ARHGAP42: variants seen among roughly 807,000 people sequenced by gnomAD.
ARHGAP42 encodes the protein rho GTPase-activating protein 42.
ARHGAP42 carries 63 observed loss-of-function variants against 125.0 expected under a neutral mutation model. The observed-to-expected ratio is 0.50, with a 90% CI of 0.41 to 0.62. The LOEUF is 0.62. Among genes scored for constraint, ARHGAP42 ranks in the 20% least tolerant of loss-of-function variants. ARHGAP42 has a pLI of 0.00. For missense variants in ARHGAP42, 766 were observed against 1,024.2 expected, an observed-to-expected ratio of 0.75 and a Z score of 3.44; for synonymous variants, 339 against 351.0, an observed-to-expected ratio of 0.97 and a Z score of 0.38.
At chr11:100,689,629 G>A (rs542483256) in intron 1 of ARHGAP42, among the ~76,000 whole-genome samples, 8 of 152,186 alleles carry the variant, frequency 5.3e-5, no homozygotes, top group Non-Finnish European at 7.3e-5. Flanking sequence ...GAAATCTTGG[G>A]AGCGTAGGCT....
chr11:100,875,527 T>C (rs1271002495), intron 4 of ARHGAP42, among the ~76,000 whole-genome samples: 1 of 152,072 alleles, frequency 6.6e-6, no homozygotes, highest in Non-Finnish European at 1.5e-5. Context: ...TCACTGACAC[T>C]GGGGGGAGGG....
chr11:100,787,670 C>T (rs1863468390), intron 2 of ARHGAP42, among the ~76,000 whole-genome samples: 2 of 152,142 alleles, frequency 1.3e-5, no homozygotes, highest in African/African-American at 4.8e-5. Flanking sequence ...GCCTGGGTAC[C>T]TGTGCAATAT....
intron 12 of ARHGAP42, among the ~76,000 whole-genome samples, chr11:100,952,149 A>G (rs143689729): frequency 5.9e-5 from 9 of 152,300 alleles, no homozygotes; most frequent in East Asian, 1.9e-4. Context: ...GTTTTTAATC[A>G]GTATACAGAT....
At chr11:100,875,596 A>G (rs543085764) in intron 4 of ARHGAP42, among the ~76,000 whole-genome samples, 1 of 152,274 alleles carries the variant, frequency 6.6e-6, no homozygotes, top group African/African-American at 2.4e-5. Context: ...GAGACCCACC[A>G]TTCCAGGGGT....
At chr11:100,860,648 A>G (rs919097226) in intron 4 of ARHGAP42, among the ~76,000 whole-genome samples, 1 of 151,980 alleles carries the variant, frequency 6.6e-6, no homozygotes, top group Non-Finnish European at 1.5e-5. Flanking sequence ...GTCTTGCCAG[A>G]CTTCATATCC....
chr11:100,709,190 T>C (rs558598715), intron 1 of ARHGAP42, among the ~76,000 whole-genome samples: 1 of 152,228 alleles, frequency 6.6e-6, no homozygotes, highest in South Asian at 2.1e-4. Flanking sequence ...CAGGCACATG[T>C]CACTACGCCC....
At chr11:100,745,197 G>A (rs1196696666) in intron 1 of ARHGAP42, among the ~76,000 whole-genome samples, 1 of 152,130 alleles carries the variant, frequency 6.6e-6, no homozygotes, top group African/African-American at 2.4e-5. Context: ...AAAAGTAGAA[G>A]GCAAAGAATT....
intron 1 of ARHGAP42, among the ~76,000 whole-genome samples, chr11:100,754,360 TATTTAGTAGGGAAA>T (rs1367589154): frequency 1.4e-4 from 22 of 152,330 alleles, no homozygotes; most frequent in African/African-American, 5.1e-4. Context: ...ATACTTGAAA[TATTTAGTAGGGAAA>T]TGAAGATCTT....
intron 12 of ARHGAP42, among the ~76,000 whole-genome samples, chr11:100,957,727 C>T (rs1391470790): frequency 1.3e-5 from 2 of 152,042 alleles, no homozygotes; most frequent in Non-Finnish European, 2.9e-5. Flanking sequence ...CGGCAGCATC[C>T]GTAGAGTAAC....
At chr11:100,804,401 C>A (rs766051336) in intron 3 of ARHGAP42, among the ~76,000 whole-genome samples, 56 of 152,022 alleles carry the variant, frequency 3.7e-4, no homozygotes, top group African/African-American at 1.0e-3. Flanking sequence ...AAATTTATAA[C>A]CTTCATTAAA....
At chr11:100,787,795 A>G (rs1216331952) in intron 2 of ARHGAP42, among the ~76,000 whole-genome samples, 1 of 152,246 alleles carries the variant, frequency 6.6e-6, no homozygotes, top group Non-Finnish European at 1.5e-5. Context: ...TGGTTAAAGG[A>G]TAAACAGGAA....
At chr11:100,809,759 A>G (rs1264361984) in intron 3 of ARHGAP42, among the ~76,000 whole-genome samples, 2 of 152,194 alleles carry the variant, frequency 1.3e-5, no homozygotes, top group Non-Finnish European at 2.9e-5. Context: ...GTTTGAGACC[A>G]GCCTGAGCAA....
At chr11:100,847,017 G>A (rs1865084756) in intron 3 of ARHGAP42, among the ~76,000 whole-genome samples, 1 of 152,156 alleles carries the variant, frequency 6.6e-6, no homozygotes, top group African/African-American at 2.4e-5. Flanking sequence ...GGCTTTATTA[G>A]TGGGAAACTT....
chr11:100,779,527 T>TAA (rs1465290349), intron 2 of ARHGAP42, among the ~76,000 whole-genome samples: 1 of 134,886 alleles, frequency 7.4e-6, no homozygotes, highest in Non-Finnish European at 1.6e-5. Context: ...TACGTATACA[T>TAA]GCGTATATAT....
chr11:100,806,939 C>G (rs1452725797), intron 3 of ARHGAP42, among the ~76,000 whole-genome samples: 2 of 151,732 alleles, frequency 1.3e-5, no homozygotes, highest in African/African-American at 2.4e-5. Context: ...CCTCTGCCTT[C>G]CGAGCTCAAG....
intron 9 of ARHGAP42, 34 bp from the exon 10 acceptor site, chr11:100,943,725 G>A (rs1216920796): frequency 1.5e-6 from 2 of 1,368,620 alleles, no homozygotes; most frequent in Non-Finnish European, 2.0e-6. Flanking sequence ...TCACTTGTCA[G>A]CATGTTAATA....
chr11:100,893,158 GGTGTGTGT>G (rs142725608), intron 4 of ARHGAP42, among the ~76,000 whole-genome samples: 3 of 146,988 alleles, frequency 2.0e-5, no homozygotes, highest in Non-Finnish European at 3.0e-5. Context: ...AACATTTAGG[GGTGTGTGT>G]GTGTGTGTGT....
intron 4 of ARHGAP42, among the ~76,000 whole-genome samples, chr11:100,881,243 A>C (rs1440697625): frequency 6.6e-6 from 1 of 152,162 alleles, no homozygotes. Context: ...TCCTTCTTCC[A>C]TCTTGAGTTG....
chr11:100,899,736 T>G (rs999981179), intron 4 of ARHGAP42, among the ~76,000 whole-genome samples: 2 of 149,944 alleles, frequency 1.3e-5, no homozygotes, highest in African/African-American at 4.9e-5. Flanking sequence ...TTTTTTTTGT[T>G]TTTTTTTGCT....
Sources: allele counts gnomAD v4.1 joint callset (sites outside exome capture counted in the v4.1 genomes callset), GRCh38; gene constraint gnomAD v4.1.1; transcripts MANE v1.5; gene names NCBI Gene and HGNC (gene_info 2026-07-23, HGNC 2026-07-21).